The following PRP4K variants were observed in gnomAD, a reference collection of about 807,000 sequenced individuals.
The protein encoded by PRP4K is serine/threonine-protein kinase PRP4 homolog.
chr6:4,052,680 ACTC>A, the PRP4K span: 1 of 1,442,890 alleles, frequency 6.9e-7, no homozygotes, highest in Non-Finnish European at 9.3e-7. Flanking sequence ...TTGCATTTTA[ACTC>A]CTATTTTGTT....
chr6:4,047,937 CACACACACAG>C, the PRP4K span, among the ~76,000 whole-genome samples: 15 of 141,270 alleles, frequency 1.1e-4, no homozygotes, highest in Non-Finnish European at 2.2e-4. Context: ...CACACACACA[CACACACACAG>C]AGCAATAGGA....
the PRP4K span, chr6:4,049,683 A>T: frequency 6.5e-7 from 1 of 1,531,280 alleles, no homozygotes; most frequent in Admixed American, 1.8e-5. Context: ...CTACTTTCTG[A>T]TTCTATTTAT....
At chr6:4,050,014 A>ATT in the PRP4K span, 1 of 70,222 alleles carries the variant, frequency 1.4e-5, no homozygotes, top group Non-Finnish European at 2.9e-5. Context: ...TAATGGAAAC[A>ATT]GTTGTTTTTT....
At chr6:4,033,792 G>A in the PRP4K span, among the ~76,000 whole-genome samples, 57 of 152,070 alleles carry the variant, frequency 3.7e-4, no homozygotes, top group Admixed American at 3.9e-4. Flanking sequence ...TCTTAAGAGC[G>A]TCTTGATTCT....
chr6:4,040,966 T>A, the PRP4K span: 3 of 1,554,416 alleles, frequency 1.9e-6, no homozygotes, highest in Non-Finnish European at 2.6e-6. Context: ...TTTTTCCAGT[T>A]TAGAGAAGTC....
the PRP4K span, among the ~76,000 whole-genome samples, chr6:4,027,596 GGGGT>G: frequency 1.8e-4 from 5 of 27,656 alleles, no homozygotes; most frequent in African/African-American, 5.0e-4. Flanking sequence ...ATTTGGCGGA[GGGGT>G]GGGGGGGTGG....
the PRP4K span, chr6:4,049,660 T>C: frequency 4.2e-6 from 6 of 1,428,800 alleles, no homozygotes; most frequent in East Asian, 1.2e-4. Context: ...TTTAAATGAC[T>C]GCACTGTGTT....
the PRP4K span, chr6:4,051,937 A>C: frequency 4.1e-6 from 6 of 1,452,788 alleles, no homozygotes; most frequent in Non-Finnish European, 4.7e-6. Context: ...ATTTTACCCC[A>C]ATTTTTTTTT....
At chr6:4,055,003 C>T in the PRP4K span, among the ~76,000 whole-genome samples, 1 of 152,122 alleles carries the variant, frequency 6.6e-6, no homozygotes, top group African/African-American at 2.4e-5. Flanking sequence ...AAATGTTTTC[C>T]CGTCTTCCTG....
At chr6:4,054,799 GT>G in the PRP4K span, among the ~76,000 whole-genome samples, 8 of 152,164 alleles carry the variant, frequency 5.3e-5, no homozygotes, top group African/African-American at 1.9e-4. Flanking sequence ...CCAATTTTTT[GT>G]TTTTTAATTG....
the PRP4K span, among the ~76,000 whole-genome samples, chr6:4,031,374 A>G: frequency 6.6e-6 from 1 of 152,196 alleles, no homozygotes; most frequent in Non-Finnish European, 1.5e-5. Context: ...TTGTATCACT[A>G]TCCAACTCAG....
the PRP4K span, among the ~76,000 whole-genome samples, chr6:4,021,654 G>C: frequency 5.9e-5 from 9 of 152,208 alleles, no homozygotes; most frequent in African/African-American, 2.2e-4. Flanking sequence ...CAGAGGCCGT[G>C]GCTGCTGGGG....
chr6:4,036,896 G>C, the PRP4K span, among the ~76,000 whole-genome samples: 1 of 151,122 alleles, frequency 6.6e-6, no homozygotes, highest in Non-Finnish European at 1.5e-5. Context: ...TGAAGTGGAA[G>C]GATTGCCTCA....
the PRP4K span, among the ~76,000 whole-genome samples, chr6:4,048,304 G>T: frequency 6.6e-6 from 1 of 150,564 alleles, no homozygotes; most frequent in Admixed American, 6.6e-5. Flanking sequence ...GCATGAACCC[G>T]AGAGGCGGAG....
At chr6:4,035,610 A>G in the PRP4K span, among the ~76,000 whole-genome samples, 3 of 152,132 alleles carry the variant, frequency 2.0e-5, no homozygotes, top group East Asian at 1.9e-4. Context: ...GGATCAGAGA[A>G]GGATTCTTGG....
the PRP4K span, among the ~76,000 whole-genome samples, chr6:4,042,076 G>A: frequency 1.3e-5 from 2 of 152,166 alleles, no homozygotes; most frequent in Non-Finnish European, 2.9e-5. Context: ...AGGGAAGTAC[G>A]GGTATAGCTT....
At chr6:4,051,469 A>G in the PRP4K span, among the ~76,000 whole-genome samples, 4 of 151,356 alleles carry the variant, frequency 2.6e-5, no homozygotes, top group Non-Finnish European at 5.9e-5. Context: ...GGCACCCGCC[A>G]CCACCCTTGG....
the PRP4K span, among the ~76,000 whole-genome samples, chr6:4,047,654 T>C: frequency 1.3e-5 from 2 of 152,174 alleles, no homozygotes; most frequent in Admixed American, 6.5e-5. Context: ...TAATAGAATA[T>C]TGAAGAATTG....
At chr6:4,032,104 C>T in the PRP4K span, 1 of 1,612,974 alleles carries the variant, frequency 6.2e-7, no homozygotes, top group Non-Finnish European at 8.5e-7. Flanking sequence ...AGACATAGGT[C>T]TGATAAAAAG....
Sources: allele counts gnomAD v4.1 joint callset (sites outside exome capture counted in the v4.1 genomes callset), GRCh38; gene constraint gnomAD v4.1.1; transcripts MANE v1.5; gene names NCBI Gene and HGNC (gene_info 2026-07-23, HGNC 2026-07-21).